SHISA9: variants seen among roughly 807,000 people sequenced by gnomAD.
SHISA9 encodes the protein shisa family member 9.
In SHISA9, 13 loss-of-function variants were observed where a neutral mutation model predicts 38.0. The observed-to-expected ratio is 0.34, with a 90% CI of 0.22 to 0.54. The LOEUF is 0.54. Ranked by LOEUF, SHISA9 falls within the 20% of genes least tolerant of loss-of-function variation. The pLI is 0.91. For synonymous variants in SHISA9, 275 were observed against 242.0 expected (o/e 1.14, Z -1.27); for missense variants, 538 against 575.8 (o/e 0.93, Z 0.67).
At chr16:13,176,917 C>T (rs1030716185) in intron 2 of SHISA9, among the ~76,000 whole-genome samples, 1 of 152,088 alleles carries the variant, frequency 6.6e-6, no homozygotes, top group Non-Finnish European at 1.5e-5. Flanking sequence ...CGCTGTTATT[C>T]ATCTGAGTGG....
the SHISA9 span, among the ~76,000 whole-genome samples, chr16:13,549,038 A>G: frequency 6.6e-6 from 1 of 152,196 alleles, no homozygotes; most frequent in Non-Finnish European, 1.5e-5. Context: ...CACATAAAAA[A>G]GAGAGAAAAT....
intron 2 of SHISA9, among the ~76,000 whole-genome samples, chr16:13,111,707 G>A (rs2141967504): frequency 6.6e-6 from 1 of 152,228 alleles, no homozygotes; most frequent in South Asian, 2.1e-4. Flanking sequence ...CCCTATTCCA[G>A]GTAACCTCAA....
chr16:13,027,702 G>A (rs1376768901), intron 2 of SHISA9, among the ~76,000 whole-genome samples: 3 of 152,074 alleles, frequency 2.0e-5, no homozygotes, highest in Admixed American at 6.5e-5. Flanking sequence ...TGAGGCAGGC[G>A]GATCACCTCA....
chr16:13,458,563 G>C, the SHISA9 span: 1 of 420,110 alleles, frequency 2.4e-6, no homozygotes, highest in Non-Finnish European at 4.8e-6. Flanking sequence ...TGATGAACTT[G>C]AACAGAAGGT....
the SHISA9 span, among the ~76,000 whole-genome samples, chr16:13,488,485 A>T: frequency 1.3e-5 from 2 of 152,204 alleles, no homozygotes; most frequent in Non-Finnish European, 2.9e-5. Context: ...TGCATATACA[A>T]TATTCCCATA....
chr16:13,019,812 CTT>C (rs2072806659), intron 2 of SHISA9, among the ~76,000 whole-genome samples: 2 of 140,182 alleles, frequency 1.4e-5, no homozygotes, highest in African/African-American at 5.4e-5. Context: ...TTCTTTCTTT[CTT>C]TCTTTCTTTC....
intron 2 of SHISA9, among the ~76,000 whole-genome samples, chr16:13,160,184 A>C (rs1305258309): frequency 6.6e-6 from 1 of 152,160 alleles, no homozygotes; most frequent in Admixed American, 6.6e-5. Context: ...ACAGGTGAAC[A>C]GATTCTGAGG....
chr16:13,455,839 T>C, the SHISA9 span, among the ~76,000 whole-genome samples: 1 of 152,108 alleles, frequency 6.6e-6, no homozygotes, highest in Admixed American at 6.5e-5. Context: ...GAAGGGAAGT[T>C]GATATGGAGC....
chr16:13,248,665 T>A, the SHISA9 span, among the ~76,000 whole-genome samples: 3 of 152,212 alleles, frequency 2.0e-5, no homozygotes, highest in Non-Finnish European at 4.4e-5. Flanking sequence ...AAACTTGGGC[T>A]TTTATTAATC....
intron 2 of SHISA9, among the ~76,000 whole-genome samples, chr16:13,025,445 T>G (rs2072909057): frequency 6.6e-6 from 1 of 152,226 alleles, no homozygotes; most frequent in Admixed American, 6.5e-5. Context: ...GTCCTTAACT[T>G]TGGAGGAACT....
chr16:13,171,898 C>T (rs2050689992), intron 2 of SHISA9, among the ~76,000 whole-genome samples: 1 of 152,180 alleles, frequency 6.6e-6, no homozygotes, highest in South Asian at 2.1e-4. Context: ...GGATTCTCTC[C>T]TCATTTGTTA....
intron 2 of SHISA9, among the ~76,000 whole-genome samples, chr16:13,070,319 C>T (rs939769222): frequency 2.0e-5 from 3 of 152,168 alleles, no homozygotes; most frequent in African/African-American, 7.2e-5. Flanking sequence ...TCTCCTCCTT[C>T]CGTATGCCCA....
At chr16:12,988,460 A>C (rs1320101942) in intron 2 of SHISA9, among the ~76,000 whole-genome samples, 2 of 152,182 alleles carry the variant, frequency 1.3e-5, no homozygotes, top group Non-Finnish European at 2.9e-5. Flanking sequence ...CCCAGAGAAA[A>C]TGGACAAGTT....
chr16:13,271,342 C>T, the SHISA9 span, among the ~76,000 whole-genome samples: 2,646 of 152,226 alleles, frequency 0.017, 69 homozygotes, highest in African/African-American at 0.06. Context: ...TGAGCTCCAT[C>T]CCCAAGCCCA....
At chr16:13,452,419 A>G in the SHISA9 span, among the ~76,000 whole-genome samples, 1 of 152,116 alleles carries the variant, frequency 6.6e-6, no homozygotes, top group African/African-American at 2.4e-5. Context: ...CATATACCTT[A>G]TTGTCTGACA....
At chr16:13,173,762 A>G (rs541964659) in intron 2 of SHISA9, among the ~76,000 whole-genome samples, 9 of 152,164 alleles carry the variant, frequency 5.9e-5, no homozygotes, top group Non-Finnish European at 1.3e-4. Flanking sequence ...GGAGAAGACA[A>G]ATGAAAAACC....
intron 2 of SHISA9, among the ~76,000 whole-genome samples, chr16:12,963,642 A>G (rs2071939790): frequency 6.6e-6 from 1 of 152,188 alleles, no homozygotes; most frequent in Admixed American, 6.5e-5. Flanking sequence ...TAGTTCTCCC[A>G]TTTTGTAAAT....
intron 2 of SHISA9, among the ~76,000 whole-genome samples, chr16:13,165,178 C>T (rs1215974045): frequency 6.6e-6 from 1 of 151,660 alleles, no homozygotes; most frequent in African/African-American, 2.4e-5. Context: ...TTTTTTTATG[C>T]CTCCTCCTTT....
chr16:13,262,634 A>AAGGT, the SHISA9 span, among the ~76,000 whole-genome samples: 1 of 44,838 alleles, frequency 2.2e-5, no homozygotes, highest in East Asian at 8.7e-4. Flanking sequence ...GTTATTGTGG[A>AAGGT]AGGAAGGAAG....
Sources: allele counts gnomAD v4.1 joint callset (sites outside exome capture counted in the v4.1 genomes callset), GRCh38; gene constraint gnomAD v4.1.1; transcripts MANE v1.5; gene names NCBI Gene and HGNC (gene_info 2026-07-23, HGNC 2026-07-21).